Variants in CNTN1 observed in about 807,000 individuals in gnomAD.
The protein encoded by CNTN1 is contactin 1.
CNTN1 carries 38 observed loss-of-function variants against 126.4 expected under a neutral mutation model. The ratio of observed to expected loss-of-function variants is 0.30; its 90% CI spans 0.23 to 0.39. The LOEUF is 0.39. Among genes scored for constraint, CNTN1 ranks in the 10% least tolerant of loss-of-function variants. CNTN1 has a pLI of 1.00. For missense variants in CNTN1, 1,009 were observed against 1,248.4 expected (o/e 0.81, Z 2.89); for synonymous variants, 413 against 422.6 (o/e 0.98, Z 0.28).
At chr12:40,845,101 A>G (rs1000639291) in intron 1 of CNTN1, among the ~76,000 whole-genome samples, 1 of 152,222 alleles carries the variant, frequency 6.6e-6, no homozygotes, top group African/African-American at 2.4e-5. Context: ...CTCAGCATCA[A>G]TATAAACGTA....
At chr12:40,822,041 T>G (rs563909053) in intron 1 of CNTN1, among the ~76,000 whole-genome samples, 4 of 152,004 alleles carry the variant, frequency 2.6e-5, no homozygotes, top group Admixed American at 2.6e-4. Context: ...TGAATTTCTT[T>G]CTGGTAATAC....
At chr12:40,732,699 A>G (rs939844979) in intron 1 of CNTN1, among the ~76,000 whole-genome samples, 2 of 152,090 alleles carry the variant, frequency 1.3e-5, no homozygotes, top group Admixed American at 6.6e-5. Context: ...AAAGCACTGA[A>G]GTGTTAATGA....
At chr12:40,999,374 T>C (rs1032881626) in intron 17 of CNTN1, among the ~76,000 whole-genome samples, 4 of 152,234 alleles carry the variant, frequency 2.6e-5, no homozygotes, top group African/African-American at 9.6e-5. Context: ...GTGTAAAGAA[T>C]GTCTAGTTTG....
chr12:40,978,044 C>T (rs968034189), intron 15 of CNTN1, among the ~76,000 whole-genome samples: 10 of 152,008 alleles, frequency 6.6e-5, no homozygotes, highest in Admixed American at 1.3e-4. Flanking sequence ...CTCAGGTAAT[C>T]CACCTGCCTT....
At chr12:41,043,673 C>A in intron 23 of CNTN1, among the ~76,000 whole-genome samples, 1 of 152,098 alleles carries the variant, frequency 6.6e-6, no homozygotes, top group Non-Finnish European at 1.5e-5. Context: ...GACTTTAAAT[C>A]ATGCTGCTAT....
intron 23 of CNTN1, among the ~76,000 whole-genome samples, chr12:41,037,965 C>T (rs1949303982): frequency 6.6e-6 from 1 of 152,074 alleles, no homozygotes; most frequent in South Asian, 2.1e-4. Context: ...TGAGACAAGC[C>T]TGACCAAAGT....
At chr12:40,703,890 C>T (rs1301347537) in intron 1 of CNTN1, among the ~76,000 whole-genome samples, 1 of 152,102 alleles carries the variant, frequency 6.6e-6, no homozygotes, top group East Asian at 1.9e-4. Context: ...GAGACTTTCT[C>T]TTGCCTTCAA....
intron 15 of CNTN1, chr12:40,978,998 G>A (rs1181650393): frequency 1.3e-5 from 2 of 152,078 alleles, no homozygotes; most frequent in Non-Finnish European, 2.9e-5. Flanking sequence ...TTAGGATGCT[G>A]CATTATGTGA....
At chr12:41,019,104 C>T (rs1441645411) in intron 19 of CNTN1, among the ~76,000 whole-genome samples, 4 of 152,068 alleles carry the variant, frequency 2.6e-5, no homozygotes, top group African/African-American at 7.2e-5. Flanking sequence ...TGTGGTGAAC[C>T]GAGATCGCGC....
intron 16 of CNTN1, among the ~76,000 whole-genome samples, chr12:40,989,393 A>G (rs1168818594): frequency 1.3e-5 from 2 of 152,180 alleles, no homozygotes; most frequent in Admixed American, 1.3e-4. Flanking sequence ...AATGAGAATC[A>G]ACTCACAATT....
chr12:40,974,787 G>C (rs995686599), intron 15 of CNTN1, among the ~76,000 whole-genome samples: 1 of 151,962 alleles, frequency 6.6e-6, no homozygotes, highest in Non-Finnish European at 1.5e-5. Flanking sequence ...TTACATCATA[G>C]GGTTATTGGT....
At chr12:40,856,232 A>G (rs1357577406) in intron 1 of CNTN1, among the ~76,000 whole-genome samples, 1 of 152,088 alleles carries the variant, frequency 6.6e-6, no homozygotes, top group Non-Finnish European at 1.5e-5. Context: ...ATATATATAC[A>G]CCAGTTTAAA....
At chr12:40,692,898 G>A (rs1368753179) in intron 1 of CNTN1, among the ~76,000 whole-genome samples, 1 of 152,166 alleles carries the variant, frequency 6.6e-6, no homozygotes, top group Non-Finnish European at 1.5e-5. Context: ...CGCCGCCAGC[G>A]CCGGGAACTC....
chr12:40,699,392 G>A (rs556177570), intron 1 of CNTN1, among the ~76,000 whole-genome samples: 18 of 152,126 alleles, frequency 1.2e-4, no homozygotes, highest in Admixed American at 9.2e-4. Flanking sequence ...TCCTGGTTTT[G>A]TTGATTTATA....
At chr12:40,767,026 T>C (rs903351021) in intron 1 of CNTN1, among the ~76,000 whole-genome samples, 7 of 151,956 alleles carry the variant, frequency 4.6e-5, no homozygotes, top group African/African-American at 1.5e-4. Flanking sequence ...AGAAGAGAGA[T>C]TGGGAATGGA....
intron 4 of CNTN1, among the ~76,000 whole-genome samples, chr12:40,920,559 T>C (rs1171870618): frequency 6.6e-6 from 1 of 152,150 alleles, no homozygotes; most frequent in Admixed American, 6.5e-5. Context: ...AATAGTTTGA[T>C]GGAAAAGAAC....
chr12:41,017,381 C>CAA (rs1178250513), intron 19 of CNTN1, among the ~76,000 whole-genome samples: 11,047 of 79,398 alleles, frequency 0.14, 779 homozygotes, highest in African/African-American at 0.25. Context: ...GACTCCGTCT[C>CAA]AAAAAAAAAA....
intron 9 of CNTN1, among the ~76,000 whole-genome samples, chr12:40,935,112 G>A (rs1339547387): frequency 1.3e-5 from 2 of 151,914 alleles, no homozygotes; most frequent in Non-Finnish European, 2.9e-5. Context: ...GACACACTCT[G>A]TACCCTGAAT....
intron 1 of CNTN1, among the ~76,000 whole-genome samples, chr12:40,862,569 A>G (rs571189588): frequency 4.7e-4 from 71 of 152,170 alleles, no homozygotes; most frequent in Non-Finnish European, 9.4e-4. Context: ...AAGGAAAGTT[A>G]TGAATATCAT....
Sources: gnomAD v4.1 joint callset for allele counts (sites outside exome capture counted in the v4.1 genomes callset) on GRCh38, gnomAD v4.1.1 for gene constraint, MANE v1.5 for transcripts, NCBI Gene and HGNC (gene_info 2026-07-23, HGNC 2026-07-21) for gene names.